KAZN: variants seen among roughly 807,000 people sequenced by gnomAD.
The protein encoded by KAZN is kazrin.
A neutral mutation model predicts 87.4 loss-of-function variants in KAZN; 40 were observed. The ratio of observed to expected loss-of-function variants is 0.46; its 90% CI spans 0.36 to 0.60. The LOEUF is 0.60. Among genes scored for constraint, KAZN ranks in the 20% least tolerant of loss-of-function variants. The pLI, the probability that KAZN is intolerant of heterozygous loss-of-function variation, is 0.00. For synonymous variants in KAZN, 466 were observed against 458.3 expected (o/e 1.02, Z -0.22); for missense variants, 898 against 1,073.9 (o/e 0.84, Z 2.29).
intron 1 of KAZN, among the ~76,000 whole-genome samples, chr1:14,156,026 T>C (rs948242612): frequency 1.3e-5 from 2 of 152,156 alleles, no homozygotes; most frequent in Non-Finnish European, 2.9e-5. Flanking sequence ...TAGGTTCTGA[T>C]ATATTGTGTT....
chr1:15,102,775 T>G (rs1213000282), intron 11 of KAZN, among the ~76,000 whole-genome samples: 1 of 152,156 alleles, frequency 6.6e-6, no homozygotes, highest in Non-Finnish European at 1.5e-5. Context: ...AACATGGGTT[T>G]TCATTCCAAC....
intron 1 of KAZN, among the ~76,000 whole-genome samples, chr1:14,786,719 C>T (rs1645519594): frequency 6.6e-6 from 1 of 152,198 alleles, no homozygotes; most frequent in Admixed American, 6.5e-5. Context: ...TACAGCAATG[C>T]CTGAACAATT....
intron 2 of KAZN, among the ~76,000 whole-genome samples, chr1:14,359,243 C>G (rs1571386945): frequency 6.6e-6 from 1 of 151,948 alleles, no homozygotes; most frequent in East Asian, 1.9e-4. Context: ...ATTACAAGCC[C>G]TGCTTTTTTT....
At chr1:14,364,944 T>C (rs935977989) in intron 2 of KAZN, among the ~76,000 whole-genome samples, 2 of 152,166 alleles carry the variant, frequency 1.3e-5, no homozygotes, top group African/African-American at 2.4e-5. Context: ...GTTCTGACTA[T>C]GTTGGCCAGG....
Position 14,200,212 on chromosome 1 carries a change from A to G in KAZN, c.249+19620A>G, listed in dbSNP as rs1646610474. On this transcript the variant is annotated intron_variant, in intron 2 of 16. Coordinates refer to the KAZN transcript ENST00000636203. ...GCTCATCCCTAGAGTAAAATACCCT[A>G]GAACCATTAAACGCAATTAGGTAGA... Among the ~76,000 whole-genome samples the G allele has an allele frequency of 2.6e-5, 4 of 152,302 alleles. No homozygotes were observed. The South Asian group carries it at 6.2e-4, about 24-fold the overall frequency.
intron 1 of KAZN, among the ~76,000 whole-genome samples, chr1:14,727,554 A>T (rs1038788568): frequency 7.4e-6 from 1 of 134,424 alleles, no homozygotes; most frequent in East Asian, 2.2e-4. Flanking sequence ...ATCTCGGCAC[A>T]CTGCAACCTC....
intron 2 of KAZN, among the ~76,000 whole-genome samples, chr1:14,408,801 A>G (rs1267988178): frequency 6.6e-6 from 1 of 152,174 alleles, no homozygotes; most frequent in African/African-American, 2.4e-5. Flanking sequence ...CATCCATTCT[A>G]GAGGGCATGA....
chr1:14,402,151 A>C (rs1375431050), intron 2 of KAZN, among the ~76,000 whole-genome samples: 1 of 151,830 alleles, frequency 6.6e-6, no homozygotes, highest in Non-Finnish European at 1.5e-5. Context: ...AAGTCCAATG[A>C]CTTTTAGTTC....
At chr1:14,351,784 G>A (rs938297010) in intron 2 of KAZN, among the ~76,000 whole-genome samples, 7 of 152,080 alleles carry the variant, frequency 4.6e-5, no homozygotes, top group Non-Finnish European at 5.9e-5. Context: ...GCTAGACCCC[G>A]TATGCAATAT....
At chr1:14,291,588 G>C (rs917792319) in intron 2 of KAZN, among the ~76,000 whole-genome samples, 1 of 152,214 alleles carries the variant, frequency 6.6e-6, no homozygotes, top group Non-Finnish European at 1.5e-5. Context: ...GATACAGTCT[G>C]TCATGGCTTC....
chr1:15,021,283 A>G lies in KAZN; in HGVS notation c.419-13466A>G, dbSNP rs1297439723. ...TCACACACCCACACAAGCCTTTAAA[A>G]ATAGTCCTCGTTGTGTGGGGCATGG... On this transcript the variant is annotated intron_variant, in intron 2 of 14. Coordinates refer to ENST00000376030, the MANE Select transcript of KAZN (RefSeq NM_201628.3). This position sits in a 1 kb window ranked among gnomAD's most constrained non-coding sequence, Gnocchi z 4.2. Among the ~76,000 whole-genome samples the G allele has an allele frequency of 6.6e-6, 1 of 152,160 alleles. No individual in the cohort carries two copies. The highest frequency in any genetic ancestry group is 1.9e-4 in the East Asian group (1 of 5,184).
At chr1:14,055,483 G>A (rs1163020546) in intron 1 of KAZN, among the ~76,000 whole-genome samples, 3 of 152,186 alleles carry the variant, frequency 2.0e-5, no homozygotes, top group Non-Finnish European at 4.4e-5. Flanking sequence ...GTTCCAGAAA[G>A]CTTTGATTGC....
chr1:14,566,928 C>T (rs1227758503), intron 2 of KAZN, among the ~76,000 whole-genome samples: 1 of 152,208 alleles, frequency 6.6e-6, no homozygotes, highest in Non-Finnish European at 1.5e-5. Context: ...AAACTTTATC[C>T]ATATCAGCAA....
chr1:13,903,719 C>A (rs112796208), intron 1 of KAZN, among the ~76,000 whole-genome samples: 6 of 152,164 alleles, frequency 3.9e-5, no homozygotes, highest in African/African-American at 9.7e-5. Context: ...AGGATGTTTT[C>A]ATCTCTGCCA....
intron 1 of KAZN, among the ~76,000 whole-genome samples, chr1:14,694,415 G>A (rs1176218177): frequency 6.6e-6 from 1 of 152,260 alleles, no homozygotes; most frequent in Non-Finnish European, 1.5e-5. Flanking sequence ...GATTCTAAAT[G>A]TGACTATCTC....
intron 1 of KAZN, among the ~76,000 whole-genome samples, chr1:13,919,692 T>A (rs956794380): frequency 1.3e-5 from 2 of 152,216 alleles, no homozygotes; most frequent in Admixed American, 1.3e-4. Flanking sequence ...TTTTCCTTAT[T>A]AAATTTTAAA....
chr1:15,065,318 G>A (rs1021233057), intron 7 of KAZN, among the ~76,000 whole-genome samples: 27 of 152,222 alleles, frequency 1.8e-4, no homozygotes, highest in African/African-American at 6.5e-4. Context: ...GTGAGCCACC[G>A]TGCCTGGCCT....
chr1:14,328,276 T>G (rs777582646), intron 2 of KAZN, among the ~76,000 whole-genome samples: 2 of 152,198 alleles, frequency 1.3e-5, no homozygotes, highest in Non-Finnish European at 2.9e-5. Flanking sequence ...TAAGAAGAGA[T>G]ATATTGCTTT....
At chr1:14,543,975 TG>T (rs1288496695) in intron 2 of KAZN, among the ~76,000 whole-genome samples, 1 of 152,226 alleles carries the variant, frequency 6.6e-6, no homozygotes, top group Non-Finnish European at 1.5e-5. Flanking sequence ...TCTAAGATTG[TG>T]TCTAAACACA....
Sources: allele counts gnomAD v4.1 joint callset (sites outside exome capture counted in the v4.1 genomes callset), GRCh38; gene constraint gnomAD v4.1.1; non-coding constraint Gnocchi (gnomAD v3.1); transcripts MANE v1.5; gene names NCBI Gene and HGNC (gene_info 2026-07-23, HGNC 2026-07-21).